The following KTN1 variants were observed in gnomAD, a reference collection of about 807,000 sequenced individuals.
The protein encoded by KTN1 is kinectin.
In KTN1, 130 loss-of-function variants were observed where a neutral mutation model predicts 222.5. The ratio of observed to expected loss-of-function variants is 0.58; its 90% CI spans 0.51 to 0.68. The LOEUF is 0.68. KTN1 is among the 30% of genes least tolerant of loss of function. The pLI is 0.00. For synonymous variants in KTN1, 512 were observed against 496.3 expected, an observed-to-expected ratio of 1.03 and a Z score of -0.42; for missense variants, 1,508 against 1,500.4, an observed-to-expected ratio of 1.01 and a Z score of -0.08.
chr14:55,641,580 C>G (rs2041808331), intron 17 of KTN1, 112 bp from the exon 18 acceptor site: 2 of 763,378 alleles, frequency 2.6e-6, no homozygotes, highest in Non-Finnish European at 4.7e-6. Flanking sequence ...TCACCTGTCA[C>G]TTTGAGGACT....
rs2045474804 is a variant in KTN1 at position 55,671,770 on chromosome 14, T to C, written c.3439-15T>C. On this transcript the variant is annotated splice_polypyrimidine_tract_variant and intron_variant, in intron 36 of 43. Transcript: ENST00000395314. Reference sequence around the variant, plus strand: ...GAACATGAATTTTTCAAAACAACTATGCTTTTGTCTGTAGGAAGGAATTTT... The same window carrying C: ...GAACATGAATTTTTCAAAACAACTACGCTTTTGTCTGTAGGAAGGAATTTT... The C allele has an allele frequency of 6.3e-7, 1 of 1,588,722 alleles. No individual in the cohort carries two copies.
intron 5 of KTN1, among the ~76,000 whole-genome samples, chr14:55,622,321 T>A (rs1392015181): frequency 6.6e-6 from 1 of 152,092 alleles, no homozygotes; most frequent in African/African-American, 2.4e-5. Context: ...GTGGGGGGGA[T>A]GTGTGTGTTG....
intron 1 of KTN1, among the ~76,000 whole-genome samples, chr14:55,589,373 AC>A (rs1313797947): frequency 1.3e-5 from 2 of 151,954 alleles, no homozygotes; most frequent in Admixed American, 1.3e-4. Context: ...ATCTTGGCTC[AC>A]TGCAACCTCT....
chr14:55,652,727 A>C, intron 25 of KTN1, 123 bp from the exon 26 acceptor site: 1 of 637,898 alleles, frequency 1.6e-6, no homozygotes, highest in South Asian at 2.0e-5. Flanking sequence ...GATAAGTTTT[A>C]GTTTAGTTCA....
At chr14:55,610,332 T>TA (rs2037349853) in intron 1 of KTN1, among the ~76,000 whole-genome samples, 1 of 151,924 alleles carries the variant, frequency 6.6e-6, no homozygotes, top group African/African-American at 2.4e-5. Context: ...GTCCAGCAAA[T>TA]ACGTATTTTC....
chr14:55,652,959 T>TA lies in KTN1; in HGVS notation c.2694+25dup, dbSNP rs1294772520. On this transcript the variant is annotated intron_variant, in intron 26 of 43. Coordinates refer to ENST00000395314, the MANE Select transcript of KTN1 (RefSeq NM_001079521.2). ...GTTACAGGTGAGAAATTAAAAACAA[T>TA]AAAAAATAGCCTTTTTATACTTGAC... 2 of 1,594,476 alleles carry TA rather than the reference T, an allele frequency of 1.3e-6. No individual in the cohort carries two copies. The highest frequency in any genetic ancestry group is 1.7e-6 in the Non-Finnish European group (2 of 1,165,436).
chr14:55,583,544 C>T (rs2032230406), intron 1 of KTN1, among the ~76,000 whole-genome samples: 1 of 152,170 alleles, frequency 6.6e-6, no homozygotes, highest in Admixed American at 6.5e-5. Context: ...TTTGTTTGCA[C>T]TCTTCTTCCA....
chr14:55,620,023 G>GGGCT (rs138046445), intron 5 of KTN1, among the ~76,000 whole-genome samples: 11,628 of 152,160 alleles, frequency 0.076, 492 homozygotes, highest in South Asian at 0.11. Flanking sequence ...TAGATACAGT[G>GGGCT]GTAGGCATTG....
intron 24 of KTN1, chr14:55,651,235 A>G: frequency 2.2e-6 from 1 of 455,804 alleles, no homozygotes; most frequent in Non-Finnish European, 4.4e-6. Context: ...GATTGGAGAT[A>G]ATGTGTTGAA....
At chr14:55,625,193 A>G (rs908308918) in intron 5 of KTN1, among the ~76,000 whole-genome samples, 2 of 152,164 alleles carry the variant, frequency 1.3e-5, no homozygotes, top group Non-Finnish European at 1.5e-5. Context: ...CAGTTTTCCC[A>G]TGGCTAAAAT....
intron 1 of KTN1, among the ~76,000 whole-genome samples, chr14:55,592,881 T>C (rs1282897429): frequency 1.3e-5 from 2 of 152,138 alleles, no homozygotes; most frequent in Non-Finnish European, 2.9e-5. Context: ...TTTTGAAAAA[T>C]TCTCACCTCT....
rs913709764 is a variant in KTN1, at chr14:55,627,964, A to C, written c.1016A>C (p.Lys339Thr). 6.2e-7 allele frequency: 1 copy of C among 1,613,982 alleles called. No homozygotes were observed. The highest frequency in any genetic ancestry group is 8.5e-7 in the Non-Finnish European group (1 of 1,179,874). ...TLIHQLQEKD[K>T]LLAAVKEDAA... is the part of the protein sequence containing the mutation. ...ATACATCAGCTTCAAGAAAAGGACA[A>C]GTTACTCGCTGCTGTGAAGGAAGAT... Residue 339 changes from lysine to threonine, a missense_variant, in exon 6 of 44, where the codon AAG (lysine) becomes ACG (threonine). Coordinates refer to ENST00000395314, the MANE Select transcript of KTN1 (RefSeq NM_001079521.2).
intron 1 of KTN1, among the ~76,000 whole-genome samples, chr14:55,599,263 G>A (rs930272468): frequency 2.6e-5 from 4 of 151,786 alleles, no homozygotes; most frequent in Admixed American, 2.6e-4. Context: ...TTCACATTCT[G>A]TTATCAGTTT....
At chr14:55,625,176 A>G (rs1478382240) in intron 5 of KTN1, among the ~76,000 whole-genome samples, 1 of 152,174 alleles carries the variant, frequency 6.6e-6, no homozygotes, top group Non-Finnish European at 1.5e-5. Flanking sequence ...ACTTAGCTTC[A>G]GTGACTCAGT....
rs921033495 is a variant in KTN1 at position 55,653,420 on chromosome 14, T to C, written c.2764-139T>C. ...AATAAAACTCATTCTGTCCTTGCTT[T>C]ATAAATGACCCAATCTTAAATTTAC... On this transcript the variant is annotated intron_variant, in intron 27 of 43. Coordinates refer to ENST00000395314, the MANE Select transcript of KTN1 (RefSeq NM_001079521.2). The C allele has an allele frequency of 9.7e-5, 62 of 640,882 alleles. 1 individual carries two copies. In the East Asian group the frequency reaches 1.7e-3, roughly 18 times the overall value. 39.7% of individuals were successfully genotyped at this position (640,882 alleles called of 1,614,324 possible).
chr14:55,633,975 A>G (rs1452590200), intron 8 of KTN1, among the ~76,000 whole-genome samples: 2 of 152,126 alleles, frequency 1.3e-5, no homozygotes, highest in Non-Finnish European at 2.9e-5. Flanking sequence ...CCCTGTCTCT[A>G]CTAAAAATAC....
intron 43 of KTN1, chr14:55,680,754 T>G: frequency 4.7e-5 from 62 of 1,311,012 alleles, no homozygotes; most frequent in Non-Finnish European, 6.1e-5. Context: ...CAGTTATCTC[T>G]AACATGACTT....
At chr14:55,627,007 A>G (rs2039923329) in intron 5 of KTN1, among the ~76,000 whole-genome samples, 3 of 152,132 alleles carry the variant, frequency 2.0e-5, no homozygotes, top group African/African-American at 4.8e-5. Context: ...TCAGAGAACT[A>G]CACATCTATG....
intron 1 of KTN1, among the ~76,000 whole-genome samples, chr14:55,582,396 T>C (rs1359314380): frequency 3.3e-5 from 5 of 152,136 alleles, no homozygotes; most frequent in African/African-American, 1.2e-4. Flanking sequence ...AATATGGCTT[T>C]TTAAAAGAGC....
Sources: allele counts gnomAD v4.1 joint callset (sites outside exome capture counted in the v4.1 genomes callset), GRCh38; gene constraint gnomAD v4.1.1; transcripts MANE v1.5; gene names NCBI Gene and HGNC (gene_info 2026-07-23, HGNC 2026-07-21).